The following PGR variants were observed in gnomAD, a reference collection of about 807,000 sequenced individuals.
PGR encodes nuclear receptor subfamily 3 group C member 3.
Under a neutral mutation model 76.1 loss-of-function variants are expected in PGR, and 25 were observed. That is an observed-to-expected ratio of 0.33 (90% CI 0.24 to 0.46). PGR has a LOEUF of 0.46. PGR is among the 20% of genes least tolerant of loss of function. The pLI is 1.00. For missense variants in PGR, 1,172 were observed against 1,225.3 expected, an observed-to-expected ratio of 0.96 and a Z score of 0.65; for synonymous variants, 579 against 535.0, an observed-to-expected ratio of 1.08 and a Z score of -1.14.
intron 5 of PGR, 76 bp from the exon 6 acceptor site, chr11:101,050,135 T>C: frequency 6.8e-7 from 1 of 1,463,672 alleles, no homozygotes; most frequent in South Asian, 1.2e-5. Flanking sequence ...AGGTAATTTA[T>C]CAGGGAATAT....
Position 101,031,940 on chromosome 11 carries a change from C to G in PGR, c.*7176G>C, listed in dbSNP as rs1157612823. On this transcript the variant is annotated 3_prime_UTR_variant, in exon 8 of 8. Coordinates refer to ENST00000325455, the MANE Select transcript of PGR (RefSeq NM_000926.4). The stretch of plus-strand genomic sequence containing the variant: ...TGAAACTTGAACTGCTCTAGTCTTA[C>G]CCGTGTGTATAGACCTGGACTTTGA... 4.3e-6 allele frequency: 1 copy of G among 231,544 alleles called. No homozygotes were observed. The highest frequency in any genetic ancestry group is 2.2e-5 in the African/African-American group (1 of 45,220). The allele number at this position is 231,544 out of a possible 1,614,324, so 14.3% of individuals were successfully genotyped here.
At chr11:101,085,554 GA>G (rs1861469491) in intron 3 of PGR, among the ~76,000 whole-genome samples, 1 of 67,592 alleles carries the variant, frequency 1.5e-5, no homozygotes, top group African/African-American at 5.5e-5. Context: ...AAAAAAACAA[GA>G]ACAAACTATC....
In PGR at chr11:101,128,431, G is replaced by C; in HGVS notation, c.640C>G (p.Pro214Ala). The stretch of plus-strand genomic sequence containing the variant: ...TCAACCTCCACCGCAGCGGCCTGCG[G>C]AGACGGCTTCACTGGGGCCCCGGAC... ...HWSGAPVKPS[P>A]QAAAVEVEEE... The change falls in exon 1 of 8, where the codon CCG (proline) becomes GCG (alanine). Residue 214 changes from proline to alanine, a missense_variant. Around this residue, in one of 4 missense-constraint regions of PGR, gnomAD observed 893 missense variants for 785.9 expected, o/e 1.14. Transcript: ENST00000325455. The C allele has an allele frequency of 1.2e-6, 2 of 1,610,708 alleles. No homozygotes were observed. Among genetic ancestry groups the C allele is most frequent in the South Asian group, 1.1e-5 (1 of 91,072 alleles).
chr11:101,109,139 C>A (rs1312647537), intron 2 of PGR, among the ~76,000 whole-genome samples: 1 of 152,174 alleles, frequency 6.6e-6, no homozygotes, highest in East Asian at 1.9e-4. Context: ...TTGTCTCTTT[C>A]TTCATGATTT....
At chr11:101,074,727 A>G (rs1861063234) in intron 3 of PGR, among the ~76,000 whole-genome samples, 1 of 152,206 alleles carries the variant, frequency 6.6e-6, no homozygotes, top group African/African-American at 2.4e-5. Flanking sequence ...CCCATTCACA[A>G]TTGCTACAAA....
intron 2 of PGR, among the ~76,000 whole-genome samples, chr11:101,110,406 T>C (rs562697692): frequency 3.9e-5 from 6 of 152,340 alleles, no homozygotes; most frequent in African/African-American, 1.4e-4. Context: ...TAGATGACTT[T>C]GAGGGATTCA....
At chr11:101,100,994 CA>C (rs201372546) in intron 2 of PGR, among the ~76,000 whole-genome samples, 2,091 of 152,242 alleles carry the variant, frequency 0.014, 23 homozygotes, top group Non-Finnish European at 0.021. Flanking sequence ...ACAACTCCAG[CA>C]GGAATTCAGA....
Position 101,034,098 on chromosome 11 carries a change from A to G in PGR, c.*5018T>C, listed in dbSNP as rs140945830. ...GTATGCTTTCTTAGCTGCCTGATTCACATTTCTCTAAAAATGCTTTATCGG... is the reference window on the plus strand; with the variant it reads ...GTATGCTTTCTTAGCTGCCTGATTCGCATTTCTCTAAAAATGCTTTATCGG... On this transcript the variant is annotated 3_prime_UTR_variant, in exon 8 of 8. Coordinates refer to ENST00000325455, the MANE Select transcript of PGR (RefSeq NM_000926.4). 348 of 231,190 alleles carry G rather than the reference A, an allele frequency of 1.5e-3. No individual in the cohort carries two copies. Among genetic ancestry groups the G allele is most frequent in the African/African-American group, 7.1e-3 (324 of 45,346 alleles). The allele number at this position is 231,190 out of a possible 1,614,324, so 14.3% of individuals were successfully genotyped here.
intron 5 of PGR, among the ~76,000 whole-genome samples, chr11:101,051,122 A>G (rs1374305485): frequency 6.6e-6 from 1 of 152,062 alleles, no homozygotes; most frequent in African/African-American, 2.4e-5. Flanking sequence ...AGTAACAAAA[A>G]TATTTCTCAT....
chr11:101,065,025 C>T (rs946318070), intron 3 of PGR, among the ~76,000 whole-genome samples: 1 of 152,170 alleles, frequency 6.6e-6, no homozygotes, highest in Non-Finnish European at 1.5e-5. Flanking sequence ...TCTAAGTCTG[C>T]GTAAATGCAT....
chr11:101,090,032 C>T (rs546452269), intron 3 of PGR, among the ~76,000 whole-genome samples: 8 of 152,246 alleles, frequency 5.3e-5, no homozygotes, highest in Admixed American at 3.9e-4. Context: ...AACCCCATCT[C>T]TACTAAAATA....
At chr11:101,123,420 G>A (rs1272882107) in intron 2 of PGR, among the ~76,000 whole-genome samples, 3 of 152,254 alleles carry the variant, frequency 2.0e-5, no homozygotes, top group Admixed American at 1.3e-4. Context: ...CCTGATATAA[G>A]TCCTTCTACT....
intron 3 of PGR, among the ~76,000 whole-genome samples, chr11:101,069,252 T>G (rs114920615): frequency 0.13 from 19,758 of 151,242 alleles, 1,315 homozygotes; most frequent in East Asian, 0.19. Context: ...CCAAAAAACA[T>G]GGAAAAAAGC....
At position 101,033,776 on chromosome 11, in the gene PGR, AG is replaced by A. The variant is rs1307628698; in HGVS notation, c.*5339del. On this transcript the variant is annotated 3_prime_UTR_variant, in exon 8 of 8. Coordinates refer to ENST00000325455, the MANE Select transcript of PGR (RefSeq NM_000926.4). ...AAATAATTCATAACAGTAAAAATGC[AG>A]ATTAGTAAACGTCATAGACAAAGAG... 4.8e-6 allele frequency: 1 copy of A among 207,488 alleles called. No individual in the cohort carries two copies. The highest frequency in any genetic ancestry group is 9.8e-6 in the Non-Finnish European group (1 of 101,742). The allele number at this position is 207,488 out of a possible 1,614,324, so 12.9% of individuals were successfully genotyped here.
Position 101,091,776 on chromosome 11 carries a change from A to C in PGR, c.1890T>G (p.Ala630=). ...CAGAATTACCTCCAAGGACCATGCC[A>C]GCCTGACAGCACTTTCTAAGGCGAC... ...PACRLRKCCQ[A]GMVLGGRKFK... The change falls in exon 3 of 8, where the codon GCT becomes GCG. Residue 630 remains alanine, a synonymous_variant. Transcript: ENST00000325455. 6 of 1,567,722 alleles carry C rather than the reference A, an allele frequency of 3.8e-6. No homozygotes were observed. Among genetic ancestry groups the C allele is most frequent in the Non-Finnish European group, 5.3e-6 (6 of 1,137,616 alleles).
In PGR at chr11:101,128,805, CT is replaced by C; in HGVS notation, c.265del (p.Arg89GlufsTer77). 6.2e-7 allele frequency: 1 copy of C among 1,614,190 alleles called. No homozygotes were observed. Among genetic ancestry groups the C allele is most frequent in the Non-Finnish European group, 8.5e-7 (1 of 1,180,040 alleles). On this transcript the variant is annotated frameshift_variant, in exon 1 of 8. Transcript: ENST00000325455. LOFTEE classifies it high-confidence loss of function. The part of the protein sequence containing the change: ...SLSDVEGAYS[R>X]AEATRGAGGS... The stretch of plus-strand genomic sequence containing the variant: ...TCCAGCACCCCTTGTAGCTTCAGCT[CT>C]GGAATATGCGCCCTCCACGTCCGAC...
intron 2 of PGR, among the ~76,000 whole-genome samples, chr11:101,114,124 A>T (rs190721392): frequency 1.2e-3 from 183 of 152,340 alleles, no homozygotes; most frequent in African/African-American, 4.3e-3. Flanking sequence ...TCTAATACTT[A>T]GTCAGGATTC....
At chr11:101,085,033 C>G (rs1033546683) in intron 3 of PGR, among the ~76,000 whole-genome samples, 4 of 152,128 alleles carry the variant, frequency 2.6e-5, no homozygotes, top group Non-Finnish European at 5.9e-5. Context: ...ATCATCAAGG[C>G]AGAAGACTAA....
At chr11:101,126,211 A>T in intron 1 of PGR, 53 bp from the exon 2 acceptor site, 1 of 1,552,548 alleles carries the variant, frequency 6.4e-7, no homozygotes. Flanking sequence ...CCACTATCTA[A>T]TACTAAAGGT....
Sources: gnomAD v4.1 joint callset for allele counts (sites outside exome capture counted in the v4.1 genomes callset) on GRCh38, gnomAD v4.1.1 for gene constraint, gnomAD v4.1.1 regional missense constraint, MANE v1.5 for transcripts, NCBI Gene and HGNC (gene_info 2026-07-23, HGNC 2026-07-21) for gene names.